The following NKAIN3 variants were observed in gnomAD, a reference collection of about 807,000 sequenced individuals.
NKAIN3 encodes the protein sodium/potassium transporting ATPase interacting 3.
Under a neutral mutation model 30.2 loss-of-function variants are expected in NKAIN3, and 25 were observed. The observed-to-expected ratio is 0.83, with a 90% CI of 0.60 to 1.16. The LOEUF (loss-of-function observed/expected upper bound fraction) is 1.16, where lower values mean the gene tolerates loss of function less well. NKAIN3 is among the 50% of genes most tolerant of loss of function. The pLI is 0.00. For synonymous variants in NKAIN3, 91 were observed against 89.6 expected (o/e 1.02, Z -0.09); for missense variants, 225 against 254.1 (o/e 0.89, Z 0.78).
chr8:62,286,688 T>C (rs1241063350), intron 1 of NKAIN3, among the ~76,000 whole-genome samples: 5 of 152,110 alleles, frequency 3.3e-5, no homozygotes, highest in Non-Finnish European at 5.9e-5. Flanking sequence ...AATCTGTACT[T>C]TCAAGTACTG....
intron 4 of NKAIN3, among the ~76,000 whole-genome samples, chr8:62,853,938 G>T (rs1211320331): frequency 6.6e-6 from 1 of 152,126 alleles, no homozygotes; most frequent in Non-Finnish European, 1.5e-5. Context: ...CTTGATTTCT[G>T]CAATGATTTC....
chr8:62,333,047 A>C (rs1815407411), intron 1 of NKAIN3, among the ~76,000 whole-genome samples: 1 of 152,132 alleles, frequency 6.6e-6, no homozygotes, highest in African/African-American at 2.4e-5. Context: ...ACAATTCATG[A>C]GATTGTTTTT....
At chr8:62,807,767 GAT>G (rs547278900) in intron 4 of NKAIN3, among the ~76,000 whole-genome samples, 4 of 147,482 alleles carry the variant, frequency 2.7e-5, no homozygotes, top group African/African-American at 4.9e-5. Flanking sequence ...TGGCCAGGAA[GAT>G]ATATATATAT....
At chr8:62,895,585 C>G (rs1821406982) in intron 4 of NKAIN3, among the ~76,000 whole-genome samples, 2 of 152,192 alleles carry the variant, frequency 1.3e-5, no homozygotes, top group African/African-American at 4.8e-5. Flanking sequence ...GCTTGAGAGT[C>G]TGTTAGGAGC....
intron 4 of NKAIN3, among the ~76,000 whole-genome samples, chr8:62,910,586 G>A (rs563211360): frequency 4.6e-5 from 7 of 152,130 alleles, no homozygotes; most frequent in South Asian, 4.2e-4. Flanking sequence ...ATTTCTTAGA[G>A]GGTATTTAGA....
At chr8:62,987,745 A>T (rs1824233839), downstream of NKAIN3, among the ~76,000 whole-genome samples, 1 of 152,136 alleles carries the variant, frequency 6.6e-6, no homozygotes, top group Admixed American at 6.5e-5. Flanking sequence ...AAACCATATC[A>T]TTCTGCCGCT....
At position 62,974,225 on chromosome 8, in the gene NKAIN3, A is replaced by G. The variant is rs193187367; in HGVS notation, c.*8818A>G. On this transcript the variant is annotated 3_prime_UTR_variant, in exon 7 of 7. Transcript: ENST00000623646. Reference sequence around the variant, plus strand: ...GAAAATCAATGTTAGTTTGATGGGAATAGCATTGAATCTATAAATTACTTT... The same window carrying G: ...GAAAATCAATGTTAGTTTGATGGGAGTAGCATTGAATCTATAAATTACTTT... 7.4e-4 allele frequency among the ~76,000 whole-genome samples: 112 copies of G among 152,318 alleles called. 1 individual carries two copies. Among genetic ancestry groups the G allele is most frequent in the African/African-American group, 2.6e-3 (109 of 41,582 alleles).
chr8:62,568,616 T>C (rs1415635633), intron 1 of NKAIN3, among the ~76,000 whole-genome samples: 1 of 152,168 alleles, frequency 6.6e-6, no homozygotes, highest in East Asian at 1.9e-4. Context: ...AATGTAATAT[T>C]CATTCCTCTT....
At chr8:62,806,739 G>A (rs1304618297) in intron 4 of NKAIN3, among the ~76,000 whole-genome samples, 1 of 151,632 alleles carries the variant, frequency 6.6e-6, no homozygotes, top group Non-Finnish European at 1.5e-5. Flanking sequence ...CACCAGCATG[G>A]CACATGTATA....
chr8:62,926,082 G>T (rs1442180642), intron 5 of NKAIN3, among the ~76,000 whole-genome samples: 3 of 152,088 alleles, frequency 2.0e-5, no homozygotes, highest in African/African-American at 7.2e-5. Context: ...TGGAAAATGT[G>T]GGATTTGGGA....
At chr8:62,816,111 G>T (rs78760124) in intron 4 of NKAIN3, among the ~76,000 whole-genome samples, 21 of 152,134 alleles carry the variant, frequency 1.4e-4, no homozygotes, top group Non-Finnish European at 2.6e-4. Context: ...TATTTCCTAT[G>T]TCCCTACATT....
At chr8:62,556,247 T>C (rs1809382625) in intron 1 of NKAIN3, among the ~76,000 whole-genome samples, 1 of 151,898 alleles carries the variant, frequency 6.6e-6, no homozygotes, top group Admixed American at 6.6e-5. Context: ...TTATATTGTC[T>C]TTGGAAGAAG....
intron 4 of NKAIN3, among the ~76,000 whole-genome samples, chr8:62,789,079 G>T (rs1817618685): frequency 6.6e-6 from 1 of 151,992 alleles, no homozygotes. Flanking sequence ...GAAAGTCATT[G>T]GTAGCTTGAT....
At chr8:62,487,785 T>C (rs961390494) in intron 1 of NKAIN3, among the ~76,000 whole-genome samples, 21 of 152,228 alleles carry the variant, frequency 1.4e-4, no homozygotes, top group African/African-American at 4.6e-4. Context: ...CACTTTATCC[T>C]AATATGTGTC....
chr8:62,497,207 A>C (rs1432359511), intron 1 of NKAIN3, among the ~76,000 whole-genome samples: 1 of 152,158 alleles, frequency 6.6e-6, no homozygotes, highest in Non-Finnish European at 1.5e-5. Flanking sequence ...GAAAAAATCA[A>C]AATGCACAAT....
chr8:62,919,227 ATTTTTTTTTTTTTTTTTT>A (rs71255371), intron 5 of NKAIN3, among the ~76,000 whole-genome samples: 5 of 47,184 alleles, frequency 1.1e-4, no homozygotes, highest in Non-Finnish European at 1.8e-4. Context: ...TACTTTCAAA[ATTTTTTTTTTTTTTTTTT>A]TTTTTTTTTT....
chr8:62,992,292 A>G (rs1824337418), intron 5 of NKAIN3, among the ~76,000 whole-genome samples: 1 of 152,020 alleles, frequency 6.6e-6, no homozygotes, highest in Non-Finnish European at 1.5e-5. Context: ...GATTACAGGC[A>G]TGAGCCACCA....
intron 1 of NKAIN3, among the ~76,000 whole-genome samples, chr8:62,440,617 C>G (rs1475069658): frequency 6.6e-6 from 1 of 151,996 alleles, no homozygotes; most frequent in East Asian, 1.9e-4. Context: ...TTTTTGTTAC[C>G]AAAAAACCCA....
chr8:62,857,598 T>C (rs1820101992), intron 4 of NKAIN3, among the ~76,000 whole-genome samples: 1 of 152,218 alleles, frequency 6.6e-6, no homozygotes, highest in African/African-American at 2.4e-5. Flanking sequence ...AGAAAAACAG[T>C]CTTCAAGCTC....
Sources: gnomAD v4.1 joint callset for allele counts (sites outside exome capture counted in the v4.1 genomes callset) on GRCh38, gnomAD v4.1.1 for gene constraint, MANE v1.5 for transcripts, NCBI Gene and HGNC (gene_info 2026-07-23, HGNC 2026-07-21) for gene names.